Variants in CHST11 observed in about 807,000 individuals in gnomAD.
CHST11 encodes the protein C4S-1.
Under a neutral mutation model 30.4 loss-of-function variants are expected in CHST11, and 9 were observed. The observed-to-expected ratio is 0.30, with a 90% CI of 0.18 to 0.52. The LOEUF (loss-of-function observed/expected upper bound fraction) is 0.52. Among genes scored for constraint, CHST11 ranks in the 20% least tolerant of loss-of-function variants. CHST11 has a pLI of 0.97. For synonymous variants in CHST11, 152 were observed against 187.8 expected, an observed-to-expected ratio of 0.81 and a Z score of 1.56; for missense variants, 348 against 460.6, an observed-to-expected ratio of 0.76 and a Z score of 2.24.
At chr12:104,684,351 G>A (rs1470446173) in intron 2 of CHST11, among the ~76,000 whole-genome samples, 1 of 151,056 alleles carries the variant, frequency 6.6e-6, no homozygotes, top group Non-Finnish European at 1.5e-5. Flanking sequence ...TAGGTGGATG[G>A]ATGAGAGGAC....
intron 2 of CHST11, among the ~76,000 whole-genome samples, chr12:104,667,279 G>A (rs1383365810): frequency 6.6e-6 from 1 of 152,040 alleles, no homozygotes; most frequent in Non-Finnish European, 1.5e-5. Flanking sequence ...ACCTACAGGT[G>A]TCCTTATTCC....
At chr12:104,572,851 A>G (rs1431758153) in intron 1 of CHST11, among the ~76,000 whole-genome samples, 1 of 152,156 alleles carries the variant, frequency 6.6e-6, no homozygotes, top group African/African-American at 2.4e-5. Context: ...ATAGTGTTGG[A>G]AGTTCTGGCC....
At chr12:104,503,583 T>C (rs2037873338) in intron 1 of CHST11, among the ~76,000 whole-genome samples, 1 of 152,190 alleles carries the variant, frequency 6.6e-6, no homozygotes, top group African/African-American at 2.4e-5. Flanking sequence ...TTCCATTCTC[T>C]CACTTGGGAG....
At chr12:104,697,150 G>A (rs544047735) in intron 2 of CHST11, among the ~76,000 whole-genome samples, 15 of 152,158 alleles carry the variant, frequency 9.9e-5, no homozygotes, top group Non-Finnish European at 1.6e-4. Context: ...CAGGACACCC[G>A]CCAGCAGTGG....
At chr12:104,533,563 T>A (rs947622851) in intron 1 of CHST11, among the ~76,000 whole-genome samples, 1 of 152,158 alleles carries the variant, frequency 6.6e-6, no homozygotes, top group Admixed American at 6.5e-5. Context: ...TCCTGCCATC[T>A]CCCCTTAACC....
intron 1 of CHST11, among the ~76,000 whole-genome samples, chr12:104,511,599 A>C (rs773164673): frequency 6.6e-6 from 1 of 152,208 alleles, no homozygotes; most frequent in Non-Finnish European, 1.5e-5. Flanking sequence ...AAATCGTTTA[A>C]ACAAAATAAT....
chr12:104,497,664 CAA>C (rs1410077053), intron 1 of CHST11, among the ~76,000 whole-genome samples: 2 of 152,094 alleles, frequency 1.3e-5, no homozygotes, highest in African/African-American at 4.8e-5. Flanking sequence ...CATGAGGAAC[CAA>C]AGTCTCTTGG....
chr12:104,599,512 G>A (rs1000111076), intron 1 of CHST11, among the ~76,000 whole-genome samples: 1 of 152,174 alleles, frequency 6.6e-6, no homozygotes, highest in African/African-American at 2.4e-5. Flanking sequence ...GGCAACTTGC[G>A]TGCATTTCAC....
chr12:104,644,190 C>T (rs942211920), intron 2 of CHST11, among the ~76,000 whole-genome samples: 3 of 152,262 alleles, frequency 2.0e-5, no homozygotes, highest in African/African-American at 4.8e-5. Flanking sequence ...CGCAGCCACC[C>T]TCCCAGCGTG....
At position 104,757,050 on chromosome 12, in the gene CHST11, G is replaced by A. The variant is rs2040482711; in HGVS notation, c.306G>A (p.Leu102=). The change falls in exon 3 of 3, where the codon CTG becomes CTA. Residue 102 remains leucine, a synonymous_variant. Coordinates refer to ENST00000303694, the MANE Select transcript of CHST11 (RefSeq NM_018413.6). This position sits in a 1 kb window ranked among gnomAD's most constrained non-coding sequence, Gnocchi z 6.5. ...CCACAAGCCGTAAGCGGAGGGTGCT[G>A]ACCCCCAACGACCTGAAGCACTTGG... ...NSATSRKRRV[L]TPNDLKHLVV... The A allele has an allele frequency of 9.9e-6, 16 of 1,614,100 alleles. No individual in the cohort carries two copies. The highest frequency in any genetic ancestry group is 1.4e-5 in the Non-Finnish European group (16 of 1,180,036).
At chr12:104,483,858 G>A (rs1021556944) in intron 1 of CHST11, among the ~76,000 whole-genome samples, 4 of 152,132 alleles carry the variant, frequency 2.6e-5, no homozygotes. Context: ...CTTACCTGCT[G>A]TTGAAGCTGG....
intron 2 of CHST11, among the ~76,000 whole-genome samples, chr12:104,703,001 G>GC (rs1159807009): frequency 1.3e-5 from 2 of 152,124 alleles, no homozygotes; most frequent in African/African-American, 2.4e-5. Context: ...TGGCCCCACA[G>GC]CCCCACACCC....
In CHST11 at chr12:104,601,958, A is replaced by G; in HGVS notation, c.171A>G (p.Arg57=). Residue 57 remains arginine, a synonymous_variant, in exon 2 of 3, where the codon CGA becomes CGG. Coordinates refer to ENST00000303694, the MANE Select transcript of CHST11 (RefSeq NM_018413.6). ...ACATCTGCTGCCGGAAGGGGTCCCG[A>G]AGCCCCCTGCAGGAACTCTACAACC... ...GVDICCRKGS[R]SPLQELYNPI... The G allele has an allele frequency of 1.2e-6, 2 of 1,613,874 alleles. No homozygotes were observed. Among genetic ancestry groups the G allele is most frequent in the Non-Finnish European group, 1.7e-6 (2 of 1,179,986 alleles).
intron 1 of CHST11, among the ~76,000 whole-genome samples, chr12:104,562,326 C>T (rs894893652): frequency 1.3e-5 from 2 of 152,098 alleles, no homozygotes; most frequent in South Asian, 2.1e-4. Context: ...ATTACCATTT[C>T]GAAGGGATTT....
At chr12:104,745,014 C>G (rs1217242416) in intron 2 of CHST11, among the ~76,000 whole-genome samples, 1 of 152,126 alleles carries the variant, frequency 6.6e-6, no homozygotes, top group Non-Finnish European at 1.5e-5. Context: ...GCTAGGATTA[C>G]AGGTGCCCAC....
At chr12:104,738,707 G>A (rs915125757) in intron 2 of CHST11, among the ~76,000 whole-genome samples, 7 of 152,204 alleles carry the variant, frequency 4.6e-5, no homozygotes, top group Non-Finnish European at 5.9e-5. Flanking sequence ...GAGAAAGCCC[G>A]GACCTCATAG....
At chr12:104,692,882 A>G (rs910242586) in intron 2 of CHST11, among the ~76,000 whole-genome samples, 2 of 150,286 alleles carry the variant, frequency 1.3e-5, no homozygotes, top group African/African-American at 2.5e-5. Context: ...ATCCATTAAA[A>G]AAAAAAAACA....
chr12:104,609,459 C>G (rs1282703337), intron 2 of CHST11, among the ~76,000 whole-genome samples: 2 of 152,178 alleles, frequency 1.3e-5, no homozygotes, highest in East Asian at 1.9e-4. Context: ...TTCACTGTGG[C>G]TAGTGGATTC....
chr12:104,516,897 C>A (rs1482699269), intron 1 of CHST11, among the ~76,000 whole-genome samples: 1 of 152,138 alleles, frequency 6.6e-6, no homozygotes, highest in Non-Finnish European at 1.5e-5. Context: ...ACCTTCTATC[C>A]TATGCCTAAG....
Sources: gnomAD v4.1 joint callset for allele counts (sites outside exome capture counted in the v4.1 genomes callset) on GRCh38, gnomAD v4.1.1 for gene constraint, Gnocchi (gnomAD v3.1) non-coding constraint, MANE v1.5 for transcripts, NCBI Gene and HGNC (gene_info 2026-07-23, HGNC 2026-07-21) for gene names.